Variants in GUF1 observed in about 807,000 individuals in gnomAD.
The protein encoded by GUF1 is translation factor GUF1, mitochondrial.
GUF1 carries 78 observed loss-of-function variants against 82.4 expected under a neutral mutation model. That is an observed-to-expected ratio of 0.95 (90% CI 0.79 to 1.14). The LOEUF (loss-of-function observed/expected upper bound fraction) is 1.14, where lower values mean the gene tolerates loss of function less well. GUF1 is among the 50% of genes most tolerant of loss of function. GUF1 has a pLI of 0.00. For missense variants in GUF1, 814 were observed against 798.2 expected (o/e 1.02, Z -0.24); for synonymous variants, 279 against 282.3 (o/e 0.99, Z 0.12).
Position 44,695,600 on chromosome 4 carries a change from A to G in GUF1, c.1716-15A>G. ...TTATTTAGGATATATAAACAGTTGT[A>G]TTTTTCTGTCTCAGAGACAAAGCTC... On this transcript the variant is annotated splice_polypyrimidine_tract_variant and intron_variant, in intron 14 of 16. Transcript: ENST00000281543. The G allele has an allele frequency of 6.3e-7, 1 of 1,599,850 alleles. No homozygotes were observed. The highest frequency in any genetic ancestry group is 1.1e-5 in the South Asian group (1 of 88,460).
At position 44,689,273 on chromosome 4, in the gene GUF1, A is replaced by G; in HGVS notation, c.1079-13A>G. On this transcript the variant is annotated splice_polypyrimidine_tract_variant and intron_variant, in intron 9 of 16. Coordinates refer to ENST00000281543, the MANE Select transcript of GUF1 (RefSeq NM_021927.3). ...GCTTATCACGTGATAATTAGAAATC[A>G]TTGTATCCCCAGGAATGTATCCTCT... 1 of 1,563,080 alleles carries G rather than the reference A, an allele frequency of 6.4e-7. No homozygotes were observed. Among genetic ancestry groups the G allele is most frequent in the Middle Eastern group, 1.7e-4 (1 of 5,882 alleles).
chr4:44,688,072 A>G lies in GUF1; in HGVS notation c.1004A>G (p.Asp335Gly). 6.2e-7 allele frequency: 1 copy of G among 1,612,438 alleles called. No homozygotes were observed. The highest frequency in any genetic ancestry group is 8.5e-7 in the Non-Finnish European group (1 of 1,178,784). Residue 335 changes from aspartate to glycine, a missense_variant, in exon 9 of 17, where the codon GAT becomes GGT. Coordinates refer to ENST00000281543, the MANE Select transcript of GUF1 (RefSeq NM_021927.3). ...GATGTCACTGAAGCGCAAATAGGAG[A>G]TACATTATGTTTACATAAGCAACCA... ...MKDVTEAQIG[D>G]TLCLHKQPVE...
chr4:44,689,412 A>G lies in GUF1; in HGVS notation c.1202+3A>G, dbSNP rs781024971. ...CTTGCTCTGGGTGCTGGCTGGAGGT[A>G]AGATTCATTCACATGTGTTTTATAG... On this transcript the variant is annotated splice_donor_region_variant and intron_variant, in intron 10 of 16. Transcript: ENST00000281543. 5 of 1,601,028 alleles carry G rather than the reference A, an allele frequency of 3.1e-6. No homozygotes were observed. The highest frequency in any genetic ancestry group is 2.2e-5 in the South Asian group (2 of 89,310).
At position 44,686,492 on chromosome 4, in the gene GUF1, TTTAC is replaced by T; in HGVS notation, c.735-14_735-11del. On this transcript the variant is annotated splice_polypyrimidine_tract_variant and intron_variant, in intron 7 of 16. Coordinates refer to ENST00000281543, the MANE Select transcript of GUF1 (RefSeq NM_021927.3). Reference sequence around the variant, plus strand: ...TAATTTAGTGTATATATATTTACTTTTTACTTATATTTACTAGTCCTAAAGTGCA... The same window carrying T: ...TAATTTAGTGTATATATATTTACTTTTTATATTTACTAGTCCTAAAGTGCA... 6.6e-7 allele frequency: 1 copy of T among 1,505,918 alleles called. No individual in the cohort carries two copies. The highest frequency in any genetic ancestry group is 9.1e-7 in the Non-Finnish European group (1 of 1,094,202). 93.3% of individuals were successfully genotyped at this position (1,505,918 alleles called of 1,614,324 possible).
At position 44,691,787 on chromosome 4, in the gene GUF1, C is replaced by T. The variant is rs1337619748; in HGVS notation, c.1601C>T (p.Ser534Phe). ...DFYDSLKSLS[S>F]GYASFDYEDA... is the part of the protein sequence containing the mutation. ...TATGACTCTTTGAAATCCCTATCTT[C>T]TGGATATGCTAGGTAAAAAAATAAT... Residue 534 changes from serine to phenylalanine, a missense_variant, in exon 13 of 17, where the codon TCT becomes TTT. Coordinates refer to ENST00000281543, the MANE Select transcript of GUF1 (RefSeq NM_021927.3). The T allele has an allele frequency of 6.3e-7, 1 of 1,581,590 alleles. No homozygotes were observed.
chr4:44,694,531 T>G lies in GUF1; in HGVS notation c.1715+18T>G, dbSNP rs1715663103. On this transcript the variant is annotated intron_variant, in intron 14 of 16. Coordinates refer to ENST00000281543, the MANE Select transcript of GUF1 (RefSeq NM_021927.3). ...GTACACAAGTAAGTTCAATAGAAAC[T>G]AATCATGGAATGTGAAAATACTTTT... The G allele has an allele frequency of 7.8e-7, 1 of 1,286,968 alleles. No individual in the cohort carries two copies. 79.7% of individuals were successfully genotyped at this position (1,286,968 alleles called of 1,614,324 possible). A position where few individuals can be genotyped will look rare whatever the true frequency, so the allele number is the denominator to read the frequency against.
At chr4:44,689,146 C>T in intron 9 of GUF1, 140 bp from the exon 10 acceptor site, 1 of 669,818 alleles carries the variant, frequency 1.5e-6, no homozygotes, top group Non-Finnish European at 2.2e-6. Flanking sequence ...TTTTAGCAAA[C>T]CAATATTTTG....
chr4:44,694,563 T>C (rs1715665815), intron 14 of GUF1, 50 bp downstream of exon 14: 1 of 1,136,404 alleles, frequency 8.8e-7, no homozygotes, highest in Non-Finnish European at 1.3e-6. Context: ...TTTTGATATG[T>C]TTTTCATTTA....
chr4:44,685,640 T>A (rs1381704757), intron 6 of GUF1, among the ~76,000 whole-genome samples: 1 of 152,016 alleles, frequency 6.6e-6, no homozygotes, highest in African/African-American at 2.4e-5. Flanking sequence ...AAATTTATGC[T>A]CAAAGAGATA....
At chr4:44,680,661 C>G (rs762835338) in intron 2 of GUF1, 33 bp from the exon 3 acceptor site, 1 of 1,482,380 alleles carries the variant, frequency 6.7e-7, no homozygotes, top group South Asian at 1.3e-5. Context: ...TTTTAAAGCC[C>G]AGAGAAATAT....
intron 13 of GUF1, chr4:44,694,150 C>T (rs923258652): frequency 2.2e-4 from 78 of 358,972 alleles, no homozygotes; most frequent in Non-Finnish European, 3.5e-4. Flanking sequence ...TTCAATAAAC[C>T]ATTTTCTTTG....
At chr4:44,687,335 T>G (rs1715116283) in intron 8 of GUF1, among the ~76,000 whole-genome samples, 2 of 151,964 alleles carry the variant, frequency 1.3e-5, no homozygotes, top group African/African-American at 2.4e-5. Context: ...ATTTGAGTGT[T>G]TAGTGTTATA....
intron 16 of GUF1, 84 bp from the exon 17 acceptor site, chr4:44,698,460 A>C: frequency 2.0e-6 from 2 of 1,013,592 alleles, no homozygotes; most frequent in Non-Finnish European, 2.9e-6. Context: ...TATGGTTGTT[A>C]AGGTTGTACT....
Position 44,689,875 on chromosome 4 carries a change from T to G in GUF1, c.1235T>G (p.Val412Gly). 1 of 1,605,822 alleles carries G rather than the reference T, an allele frequency of 6.2e-7. No individual in the cohort carries two copies. Among genetic ancestry groups the G allele is most frequent in the Non-Finnish European group, 8.5e-7 (1 of 1,174,496 alleles). Residue 412 changes from valine (V) to glycine (G), a missense_variant, in exon 11 of 17, where the codon GTT becomes GGT. By Grantham distance (109) the Val-to-Gly change is moderately radical. Coordinates refer to ENST00000281543, the MANE Select transcript of GUF1 (RefSeq NM_021927.3). ...TTTCTTGGACTTTTGCACATGGAAG[T>G]TTTCAACCAGCGACTGGAGCAAGAA... ...LGFLGLLHME[V>G]FNQRLEQEYN... is the part of the protein sequence containing the mutation.
chr4:44,697,516 T>G (rs143451782), intron 16 of GUF1, 72 bp downstream of exon 16: 5 of 722,706 alleles, frequency 6.9e-6, no homozygotes, highest in Admixed American at 5.6e-5. Flanking sequence ...CATAAACTTA[T>G]TGATTTCCAT....
intron 11 of GUF1, 62 bp downstream of exon 11, chr4:44,690,037 ATG>A (rs1344324930): frequency 1.5e-6 from 2 of 1,297,272 alleles, no homozygotes; most frequent in African/African-American, 1.5e-5. Flanking sequence ...GAAAAAATAA[ATG>A]TGTGTATATA....
At chr4:44,691,962 T>TA (rs1187172631) in intron 13 of GUF1, among the ~76,000 whole-genome samples, 163 bp downstream of exon 13, 1 of 151,874 alleles carries the variant, frequency 6.6e-6, no homozygotes. Flanking sequence ...TTATAGGTGT[T>TA]ACAGACTACT....
chr4:44,693,408 A>AAGG (rs1163669851), intron 13 of GUF1, among the ~76,000 whole-genome samples: 1 of 152,102 alleles, frequency 6.6e-6, no homozygotes, highest in Non-Finnish European at 1.5e-5. Flanking sequence ...CTTCAAAGTT[A>AAGG]AGGACCATGT....
intron 16 of GUF1, among the ~76,000 whole-genome samples, chr4:44,697,696 G>A (rs1715925067): frequency 9.0e-6 from 1 of 110,780 alleles, no homozygotes; most frequent in Non-Finnish European, 2.3e-5. Flanking sequence ...GTAATACTAA[G>A]GAAGATTTTT....
Sources: allele counts gnomAD v4.1 joint callset (sites outside exome capture counted in the v4.1 genomes callset), GRCh38; gene constraint gnomAD v4.1.1; transcripts MANE v1.5; gene names NCBI Gene and HGNC (gene_info 2026-07-23, HGNC 2026-07-21).